The following LRRTM4 variants were observed in gnomAD, a reference collection of about 807,000 sequenced individuals.
The protein encoded by LRRTM4 is leucine rich repeat transmembrane neuronal 4, also known as leucine-rich repeat transmembrane neuronal protein 4.
A neutral mutation model predicts 47.6 loss-of-function variants in LRRTM4; 25 were observed. The ratio of observed to expected loss-of-function variants is 0.53; its 90% CI spans 0.38 to 0.73. LRRTM4 has a LOEUF of 0.73. Among genes scored for constraint, LRRTM4 ranks in the 30% least tolerant of loss-of-function variants. LRRTM4 has a pLI of 0.00. For synonymous variants in LRRTM4, 311 were observed against 269.5 expected (o/e 1.15, Z -1.51); for missense variants, 638 against 713.4 (o/e 0.89, Z 1.20).
chr2:77,324,497 G>A (rs1431606954), intron 3 of LRRTM4, among the ~76,000 whole-genome samples: 3 of 151,890 alleles, frequency 2.0e-5, no homozygotes, highest in Admixed American at 6.6e-5. Flanking sequence ...TCCCCTAAAC[G>A]CTTTTCTAGA....
intron 3 of LRRTM4, among the ~76,000 whole-genome samples, chr2:76,764,901 G>T (rs1282763339): frequency 6.6e-6 from 1 of 152,154 alleles, no homozygotes; most frequent in Non-Finnish European, 1.5e-5. Context: ...ATTGCTCCTT[G>T]GTTTCAACAA....
Position 77,447,081 on chromosome 2 carries a change from G to A in LRRTM4, c.1551+71237C>T, listed in dbSNP as rs371760253. ...GGCAGAAATTATAAGGAATGGGGTC[G>A]TTATTGCATATACAATGTGAATGAA... On this transcript the variant is annotated intron_variant, in intron 3 of 3. Coordinates refer to ENST00000409884, the MANE Select transcript of LRRTM4 (RefSeq NM_001134745.3). 5.8e-4 allele frequency among the ~76,000 whole-genome samples: 88 copies of A among 152,116 alleles called. 1 individual carries two copies. The highest frequency in any genetic ancestry group is 4.4e-3 in the East Asian group (23 of 5,176).
At chr2:77,423,405 T>G (rs2103887146) in intron 3 of LRRTM4, among the ~76,000 whole-genome samples, 1 of 152,270 alleles carries the variant, frequency 6.6e-6, no homozygotes, top group South Asian at 2.1e-4. Context: ...AATCACTCTC[T>G]GTAGATATGA....
intron 3 of LRRTM4, among the ~76,000 whole-genome samples, chr2:76,842,721 GT>G (rs569437708): frequency 6.7e-6 from 1 of 148,584 alleles, no homozygotes; most frequent in Non-Finnish European, 1.5e-5. Context: ...CTTTATAAAA[GT>G]TTTTTTTTGT....
At chr2:77,385,912 T>G (rs2103802843) in intron 3 of LRRTM4, among the ~76,000 whole-genome samples, 1 of 151,482 alleles carries the variant, frequency 6.6e-6, no homozygotes, top group African/African-American at 2.4e-5. Context: ...CACTCCTGGC[T>G]ATTTTTTTTT....
At chr2:76,824,946 T>G (rs549446605) in intron 3 of LRRTM4, among the ~76,000 whole-genome samples, 2 of 151,778 alleles carry the variant, frequency 1.3e-5, no homozygotes, top group South Asian at 4.1e-4. Flanking sequence ...ACTTCAAATG[T>G]ACCAAATTCT....
intron 3 of LRRTM4, among the ~76,000 whole-genome samples, chr2:77,459,010 G>A (rs570433052): frequency 6.6e-6 from 1 of 151,994 alleles, no homozygotes; most frequent in Non-Finnish European, 1.5e-5. Context: ...TTTTCAAAAT[G>A]TTTATAATAC....
chr2:77,008,977 T>G (rs1677769353), intron 3 of LRRTM4: 1 of 149,698 alleles, frequency 6.7e-6, no homozygotes, highest in South Asian at 2.1e-4. Flanking sequence ...GAAATGCAGC[T>G]AAACAGTTTT....
chr2:77,140,799 A>C (rs1419571615), intron 3 of LRRTM4, among the ~76,000 whole-genome samples: 1 of 152,194 alleles, frequency 6.6e-6, no homozygotes, highest in African/African-American at 2.4e-5. Context: ...ACCCCATCAA[A>C]AAGTGGGTGA....
chr2:77,249,394 C>T (rs1395417322), intron 3 of LRRTM4, among the ~76,000 whole-genome samples: 1 of 151,298 alleles, frequency 6.6e-6, no homozygotes, highest in Non-Finnish European at 1.5e-5. Flanking sequence ...TTTGGTCCAC[C>T]AAGGACACTG....
intron 3 of LRRTM4, among the ~76,000 whole-genome samples, chr2:77,480,825 GAGAGAGAGAGAGAGAGAGAGA>G (rs1677664205): frequency 3.9e-5 from 1 of 25,452 alleles, no homozygotes; most frequent in African/African-American, 1.2e-4. Context: ...TGTGTGTGGA[GAGAGAGAGAGAGAGAGAGAGA>G]GAGAGAGAGA....
At chr2:77,299,649 G>T (rs1677073023) in intron 3 of LRRTM4, among the ~76,000 whole-genome samples, 2 of 151,980 alleles carry the variant, frequency 1.3e-5, no homozygotes, top group Non-Finnish European at 2.9e-5. Flanking sequence ...AAAAATGAAA[G>T]CCTAAGTAAA....
intron 3 of LRRTM4, among the ~76,000 whole-genome samples, chr2:76,809,956 C>G (rs1384468343): frequency 1.3e-5 from 2 of 152,272 alleles, no homozygotes; most frequent in African/African-American, 2.4e-5. Flanking sequence ...CCTGCCCTGA[C>G]CAACCTATAA....
intron 3 of LRRTM4, among the ~76,000 whole-genome samples, chr2:77,338,266 C>T (rs1168374173): frequency 3.3e-5 from 5 of 152,038 alleles, no homozygotes; most frequent in African/African-American, 1.2e-4. Context: ...TAAACAGCTT[C>T]TGCACAGCAA....
chr2:76,903,335 G>T (rs551574380), intron 3 of LRRTM4, among the ~76,000 whole-genome samples: 1 of 152,162 alleles, frequency 6.6e-6, no homozygotes, highest in African/African-American at 2.4e-5. Context: ...AGGAGATTGA[G>T]ACCAGCCTGG....
At chr2:77,065,874 C>T (rs1169198526) in intron 3 of LRRTM4, among the ~76,000 whole-genome samples, 2 of 152,092 alleles carry the variant, frequency 1.3e-5, no homozygotes, top group African/African-American at 2.4e-5. Context: ...ATGATGCTAG[C>T]CTTATGTATC....
chr2:77,041,720 C>A (rs1309360830), intron 3 of LRRTM4, among the ~76,000 whole-genome samples: 1 of 150,918 alleles, frequency 6.6e-6, no homozygotes, highest in East Asian at 2.0e-4. Context: ...TATCTATTCA[C>A]ATCTTTTACC....
At chr2:77,419,090 A>G (rs1289641921) in intron 3 of LRRTM4, among the ~76,000 whole-genome samples, 1 of 152,238 alleles carries the variant, frequency 6.6e-6, no homozygotes, top group Admixed American at 6.5e-5. Context: ...AGTACACAAT[A>G]TATAGTAGAC....
At position 76,895,536 on chromosome 2, in the gene LRRTM4, T is replaced by C. The variant is rs573655579; in HGVS notation, c.1552-146620A>G. ...CCTCAGAACTGCTCATCTCTCCCAG[T>C]TGTGGCTTCTCGCAAAAGGAAACAG... On this transcript the variant is annotated intron_variant, in intron 3 of 3. Transcript: ENST00000409884. Among the ~76,000 whole-genome samples, 142 of 152,174 alleles carry C rather than the reference T, an allele frequency of 9.3e-4. 2 individuals carry two copies. The Middle Eastern group carries it at 0.014, about 15-fold the overall frequency.
Sources: allele counts gnomAD v4.1 joint callset (sites outside exome capture counted in the v4.1 genomes callset), GRCh38; gene constraint gnomAD v4.1.1; transcripts MANE v1.5; gene names NCBI Gene and HGNC (gene_info 2026-07-23, HGNC 2026-07-21).